Variants in PCNX4 observed in about 807,000 individuals in gnomAD.
PCNX4 encodes the protein pecanex-like protein 4.
PCNX4 carries 103 observed loss-of-function variants against 107.2 expected under a neutral mutation model. The ratio of observed to expected loss-of-function variants is 0.96; its 90% confidence interval spans 0.82 to 1.13. The LOEUF is 1.13. Ranked by LOEUF, PCNX4 falls within the 50% of genes most tolerant of loss-of-function variation. The pLI is 0.00. For missense variants in PCNX4, 1,528 were observed against 1,379.4 expected, an observed-to-expected ratio of 1.11 and a Z score of -1.71; for synonymous variants, 541 against 481.7, an observed-to-expected ratio of 1.12 and a Z score of -1.61.
At position 60,124,193 on chromosome 14, in the gene PCNX4, C is replaced by G; in HGVS notation, c.2047-25C>G. ...ATTATGTAATAAATGATTATAAACT[C>G]AAGTACTTTTTATTTCTTCTTTAGG... On this transcript the variant is annotated intron_variant, in intron 8 of 10. Coordinates refer to ENST00000406854, the MANE Select transcript of PCNX4 (RefSeq NM_001330177.2). 2.0e-6 allele frequency: 3 copies of G among 1,491,854 alleles called. No individual in the cohort carries two copies. In the African/African-American group the frequency reaches 4.2e-5, roughly 21 times the overall value. The allele number at this position is 1,491,854 out of a possible 1,614,324, so 92.4% of individuals were successfully genotyped here.
chr14:60,098,343 G>A (rs1895466050), intron 1 of PCNX4, among the ~76,000 whole-genome samples: 1 of 152,152 alleles, frequency 6.6e-6, no homozygotes, highest in African/African-American at 2.4e-5. Flanking sequence ...ACTGAAATCA[G>A]CCAGAAGCCT....
chr14:60,109,330 T>C (rs1043889314), intron 2 of PCNX4: 2 of 167,120 alleles, frequency 1.2e-5, no homozygotes, highest in African/African-American at 4.8e-5. Flanking sequence ...CTGATTAAGA[T>C]TTTGCTACCA....
chr14:60,106,425 A>G (rs1658077158), intron 1 of PCNX4, among the ~76,000 whole-genome samples: 1 of 152,198 alleles, frequency 6.6e-6, no homozygotes, highest in Admixed American at 6.5e-5. Context: ...GTACAGATAC[A>G]GTTATTTTCC....
At chr14:60,116,259 G>A (rs973846834) in intron 6 of PCNX4, among the ~76,000 whole-genome samples, 199 bp downstream of exon 6, 6 of 152,138 alleles carry the variant, frequency 3.9e-5, no homozygotes, top group Admixed American at 2.0e-4. Flanking sequence ...AGTCCCAGCA[G>A]CTACTAATCT....
intron 2 of PCNX4, among the ~76,000 whole-genome samples, chr14:60,112,323 T>C (rs2140544534): frequency 6.6e-6 from 1 of 152,314 alleles, no homozygotes; most frequent in East Asian, 1.9e-4. Flanking sequence ...TTTTTATAGC[T>C]GTTAGGTTCC....
At chr14:60,117,371 T>G (rs371894364) in intron 6 of PCNX4, among the ~76,000 whole-genome samples, 1 of 152,184 alleles carries the variant, frequency 6.6e-6, no homozygotes, top group East Asian at 1.9e-4. Context: ...ATGCCTATGG[T>G]ATTGAGTACT....
At chr14:60,121,117 T>C in intron 7 of PCNX4, 79 bp from the exon 8 acceptor site, 1 of 1,494,572 alleles carries the variant, frequency 6.7e-7, no homozygotes, top group Non-Finnish European at 8.9e-7. Context: ...TTTTTAGTTT[T>C]GAAGATTCAC....
intron 8 of PCNX4, among the ~76,000 whole-genome samples, chr14:60,122,832 A>AT (rs1335693936): frequency 6.6e-6 from 1 of 152,134 alleles, no homozygotes; most frequent in African/African-American, 2.4e-5. Context: ...TAGTAAGTGA[A>AT]TTTTTTGTAC....
chr14:60,132,491 G>C (rs895040444), intron 10 of PCNX4, among the ~76,000 whole-genome samples: 4 of 151,794 alleles, frequency 2.6e-5, no homozygotes, highest in Admixed American at 6.6e-5. Flanking sequence ...CTAAACATAA[G>C]AGCCATAAAA....
rs894735251 is a variant in PCNX4 at position 60,140,930 on chromosome 14, C to G, written c.*6709C>G. On this transcript the variant is annotated 3_prime_UTR_variant, in exon 11 of 11. Transcript: ENST00000406854. This position sits in a 1 kb window ranked among gnomAD's most constrained non-coding sequence, Gnocchi z 4.2. ...CCACCTTTGCACTCGTCCATATCCCCCAGAGCAACCTGATAAGAAACTCAT... is the reference window on the plus strand; with the variant it reads ...CCACCTTTGCACTCGTCCATATCCCGCAGAGCAACCTGATAAGAAACTCAT... 7.0e-6 allele frequency: 1 copy of G among 143,454 alleles called. No individual in the cohort carries two copies. The highest frequency in any genetic ancestry group is 1.5e-5 in the Non-Finnish European group (1 of 67,208). 8.9% of individuals were successfully genotyped at this position (143,454 alleles called of 1,614,324 possible).
In PCNX4 at chr14:60,107,977, G is replaced by A; in HGVS notation, c.339G>A (p.Glu113=). 1 of 1,612,838 alleles carries A rather than the reference G, an allele frequency of 6.2e-7. No individual in the cohort carries two copies. The highest frequency in any genetic ancestry group is 1.1e-5 in the South Asian group (1 of 91,082). Residue 113 remains glutamate (E), a synonymous_variant, in exon 2 of 11, where the codon GAG becomes GAA. Coordinates refer to ENST00000406854, the MANE Select transcript of PCNX4 (RefSeq NM_001330177.2). ...RILTTDILAE[E]DEHEFTSCTG... is the part of the protein sequence containing the mutation. ...TAACCACGGATATCTTAGCAGAGGA[G>A]GATGAGCATGAATTTACCAGTTGTA...
rs1566518169 is a variant in PCNX4 at position 60,124,550 on chromosome 14, AATGTTG to A, written c.2380_2385del (p.Met794_Leu795del). 6.2e-7 allele frequency: 1 copy of A among 1,613,764 alleles called. No individual in the cohort carries two copies. On this transcript the variant is annotated inframe_deletion, in exon 9 of 11. Transcript: ENST00000406854. ...CTGAAAATAAAGGGAAAGCACCTCTAATGTTGCCTGCTTTGAACACTTTGCCACCTC... is the reference window on the plus strand; with the variant it reads ...CTGAAAATAAAGGGAAAGCACCTCTACCTGCTTTGAACACTTTGCCACCTC...
intron 10 of PCNX4, among the ~76,000 whole-genome samples, chr14:60,129,168 A>G (rs1896109329): frequency 6.6e-6 from 1 of 151,284 alleles, no homozygotes; most frequent in African/African-American, 2.4e-5. Context: ...TGAACCCAGA[A>G]GGTGGAGGTT....
chr14:60,140,024 TAAAGG>T lies in PCNX4; in HGVS notation c.*5807_*5811del, dbSNP rs1203224788. On this transcript the variant is annotated 3_prime_UTR_variant, in exon 11 of 11. Coordinates refer to ENST00000406854, the MANE Select transcript of PCNX4 (RefSeq NM_001330177.2). The surrounding 1 kb of genome is among the most constrained non-coding windows in gnomAD (Gnocchi z 4.2). ...AATAGCAAATTAAACCTGAAGAAAA[TAAAGG>T]AAATAATAAAGAACAAGAATTAATG... 6.8e-6 allele frequency: 1 copy of T among 147,220 alleles called. No homozygotes were observed. The highest frequency in any genetic ancestry group is 1.5e-5 in the Non-Finnish European group (1 of 66,564). 9.1% of individuals were successfully genotyped at this position (147,220 alleles called of 1,614,324 possible). A position where few individuals can be genotyped will look rare whatever the true frequency, so the allele number is the denominator to read the frequency against.
chr14:60,098,351 C>G (rs1895466163), intron 1 of PCNX4, among the ~76,000 whole-genome samples: 1 of 152,300 alleles, frequency 6.6e-6, no homozygotes, highest in Non-Finnish European at 1.5e-5. Flanking sequence ...CAGCCAGAAG[C>G]CTCTCTCAGG....
chr14:60,100,921 T>C (rs1895519379), intron 1 of PCNX4, among the ~76,000 whole-genome samples: 1 of 152,240 alleles, frequency 6.6e-6, no homozygotes, highest in South Asian at 2.1e-4. Context: ...TTTTCCTTCC[T>C]TCCTTTCCAG....
intron 10 of PCNX4, among the ~76,000 whole-genome samples, chr14:60,130,719 T>G (rs1361852561): frequency 2.0e-5 from 3 of 152,160 alleles, no homozygotes; most frequent in Admixed American, 6.5e-5. Context: ...GAGGCAAAGC[T>G]GTACTGGATA....
At position 60,119,943 on chromosome 14, in the gene PCNX4, A is replaced by G. The variant is rs532747626; in HGVS notation, c.1942+1251A>G. ...TTGTACAACCACTTTGAAGAGTTAA[A>G]TGGTAGTCTGTAATAAAGATGTATA... On this transcript the variant is annotated intron_variant, in intron 7 of 10. Transcript: ENST00000406854. Among the ~76,000 whole-genome samples the G allele has an allele frequency of 1.6e-4, 24 of 152,292 alleles. No individual in the cohort carries two copies. The South Asian group carries it at 5.0e-3, about 32-fold the overall frequency.
At chr14:60,125,291 G>GA in intron 9 of PCNX4, 40 bp downstream of exon 9, 1 of 1,433,780 alleles carries the variant, frequency 7.0e-7, no homozygotes, top group Non-Finnish European at 9.2e-7. Flanking sequence ...AACATTGTTG[G>GA]AAAAATACTG....
Sources: allele counts gnomAD v4.1 joint callset (sites outside exome capture counted in the v4.1 genomes callset), GRCh38; gene constraint gnomAD v4.1.1; non-coding constraint Gnocchi (gnomAD v3.1); transcripts MANE v1.5; gene names NCBI Gene and HGNC (gene_info 2026-07-23, HGNC 2026-07-21).